ITSN1: variants seen among roughly 807,000 people sequenced by gnomAD.
The protein encoded by ITSN1 is intersectin 1, also known as intersectin-1.
In ITSN1, 58 loss-of-function variants were observed where a neutral mutation model predicts 239.8. The observed-to-expected ratio is 0.24, with a 90% CI of 0.20 to 0.30. The LOEUF is 0.30. Among genes scored for constraint, ITSN1 ranks in the 10% least tolerant of loss-of-function variants. The pLI, the probability that ITSN1 is intolerant of heterozygous loss-of-function variation, is 1.00. For missense variants in ITSN1, 1,558 were observed against 2,103.3 expected, an observed-to-expected ratio of 0.74 and a Z score of 5.07; for synonymous variants, 780 against 770.8, an observed-to-expected ratio of 1.01 and a Z score of -0.20.
chr21:33,769,716 C>T (rs148464426), intron 11 of ITSN1, among the ~76,000 whole-genome samples: 3 of 148,896 alleles, frequency 2.0e-5, no homozygotes, highest in African/African-American at 5.0e-5. Flanking sequence ...TTTTTTGAGA[C>T]GGTTGTTTCG....
chr21:33,796,206 C>T (rs1012107972), intron 17 of ITSN1, among the ~76,000 whole-genome samples: 8 of 152,036 alleles, frequency 5.3e-5, no homozygotes, highest in Non-Finnish European at 4.4e-5. Flanking sequence ...CTCCTGACCT[C>T]GTGATCTGCC....
intron 1 of ITSN1, among the ~76,000 whole-genome samples, chr21:33,706,762 A>AT (rs891995986): frequency 1.3e-4 from 19 of 151,404 alleles, no homozygotes; most frequent in Non-Finnish European, 2.7e-4. Flanking sequence ...TTATTTATTT[A>AT]TTTTTTTTGG....
intron 10 of ITSN1, among the ~76,000 whole-genome samples, chr21:33,766,884 G>C (rs1420860211): frequency 6.6e-6 from 1 of 152,124 alleles, no homozygotes; most frequent in Non-Finnish European, 1.5e-5. Context: ...TGTAAAGTGG[G>C]GAGGGTGGTG....
At chr21:33,683,287 T>G (rs2146548136) in intron 1 of ITSN1, among the ~76,000 whole-genome samples, 1 of 152,240 alleles carries the variant, frequency 6.6e-6, no homozygotes, top group East Asian at 1.9e-4. Context: ...AGCTTGATAA[T>G]AAGTTGATTT....
Position 33,882,223 on chromosome 21 carries a change from G to A in ITSN1, c.4342-20G>A, listed in dbSNP as rs543981833. ...GAGAAACAAAAATGCTACACTTTGGGTTTTGTTTTCCTTTCTCAGCAACTT... is the reference window on the plus strand; with the variant it reads ...GAGAAACAAAAATGCTACACTTTGGATTTTGTTTTCCTTTCTCAGCAACTT... On this transcript the variant is annotated intron_variant, in intron 34 of 39. Coordinates refer to ENST00000381318, the MANE Select transcript of ITSN1 (RefSeq NM_003024.3). This position sits in a 1 kb window ranked among gnomAD's most constrained non-coding sequence, Gnocchi z 4.5. The A allele has an allele frequency of 1.2e-6, 2 of 1,609,694 alleles. No homozygotes were observed. Among genetic ancestry groups the A allele is most frequent in the Non-Finnish European group, 1.7e-6 (2 of 1,177,542 alleles).
intron 4 of ITSN1, among the ~76,000 whole-genome samples, chr21:33,724,234 C>G (rs1279725701): frequency 6.6e-6 from 1 of 152,152 alleles, no homozygotes; most frequent in Non-Finnish European, 1.5e-5. Context: ...TGTCTCTAAA[C>G]TAGTGTGCTT....
intron 22 of ITSN1, chr21:33,817,247 AC>A (rs765433669): frequency 7.7e-7 from 1 of 1,300,548 alleles, no homozygotes; most frequent in Non-Finnish European, 1.0e-6. Flanking sequence ...TTCCTCCTCC[AC>A]CCCTCCATGA....
intron 34 of ITSN1, among the ~76,000 whole-genome samples, chr21:33,877,324 G>T (rs1345896501): frequency 1.3e-5 from 2 of 152,202 alleles, no homozygotes; most frequent in East Asian, 3.9e-4. Flanking sequence ...AAAGTGCTGG[G>T]ATTACAGGCG....
chr21:33,711,314 A>AT (rs540375961), intron 1 of ITSN1, among the ~76,000 whole-genome samples: 6 of 146,196 alleles, frequency 4.1e-5, no homozygotes, highest in African/African-American at 5.0e-5. Context: ...AGGTTTGTAA[A>AT]TTTTTTTTTT....
At chr21:33,781,785 G>A (rs1442193343) in intron 15 of ITSN1, among the ~76,000 whole-genome samples, 2 of 152,024 alleles carry the variant, frequency 1.3e-5, no homozygotes, top group Non-Finnish European at 2.9e-5. Flanking sequence ...CACTATATTG[G>A]CCAGGCTGGT....
At chr21:33,676,274 C>T (rs529977969) in intron 1 of ITSN1, among the ~76,000 whole-genome samples, 2 of 152,234 alleles carry the variant, frequency 1.3e-5, no homozygotes, top group East Asian at 1.9e-4. Flanking sequence ...TGAGCCATTG[C>T]GCCTGTCCTG....
chr21:33,842,982 GC>G lies in ITSN1; in HGVS notation c.3661+6351del, dbSNP rs1312743051. On this transcript the variant is annotated intron_variant, in intron 29 of 39. Coordinates refer to ENST00000381318, the MANE Select transcript of ITSN1 (RefSeq NM_003024.3). ...ACACACTCATGCACGCTGATCCACT[GC>G]GTTGCTTCCCAGGCCCCACCCAGAA... is the stretch of plus-strand genomic sequence containing the variant. Among the ~76,000 whole-genome samples the G allele has an allele frequency of 2.6e-5, 4 of 152,198 alleles. No individual in the cohort carries two copies. The East Asian group carries it at 7.7e-4, about 29-fold the overall frequency.
intron 4 of ITSN1, among the ~76,000 whole-genome samples, chr21:33,726,359 CA>C (rs35529650): frequency 0.31 from 46,905 of 151,938 alleles, 7,636 homozygotes; most frequent in East Asian, 0.55. Flanking sequence ...CTCCAACCCC[CA>C]TACTATTTTT....
chr21:33,725,210 A>C lies in ITSN1; in HGVS notation c.185+2559A>C, dbSNP rs146300045. ...GATTGCAATGGCACGATCTTAGCTC[A>C]CTGCAACCTCTGCCTCCCGGCTTCA... On this transcript the variant is annotated intron_variant, in intron 4 of 39. Coordinates refer to ENST00000381318, the MANE Select transcript of ITSN1 (RefSeq NM_003024.3). 3.4e-4 allele frequency among the ~76,000 whole-genome samples: 44 copies of C among 128,162 alleles called. 1 individual carries two copies. In the East Asian group the frequency reaches 8.6e-3, roughly 25 times the overall value. The allele number at this position is 128,162 out of a possible 152,430, so 84.1% of individuals were successfully genotyped here. A position where few individuals can be genotyped will look rare whatever the true frequency, so the allele number is the denominator to read the frequency against.
intron 30 of ITSN1, among the ~76,000 whole-genome samples, chr21:33,857,870 C>T (rs1979662522): frequency 6.6e-6 from 1 of 152,182 alleles, no homozygotes; most frequent in African/African-American, 2.4e-5. Context: ...TCAACGTCGG[C>T]TTAAGGACTC....
At chr21:33,795,962 T>TTTG (rs1348596598) in intron 17 of ITSN1, among the ~76,000 whole-genome samples, 1 of 151,198 alleles carries the variant, frequency 6.6e-6, no homozygotes, top group East Asian at 1.9e-4. Flanking sequence ...TTTTTTTTTT[T>TTTG]TTTTAATTTT....
chr21:33,739,477 C>A (rs1280244889), intron 5 of ITSN1, among the ~76,000 whole-genome samples: 1 of 152,304 alleles, frequency 6.6e-6, no homozygotes, highest in East Asian at 1.9e-4. Flanking sequence ...GACCTCATGG[C>A]TTCTACCACT....
At position 33,682,955 on chromosome 21, in the gene ITSN1, A is replaced by C. The variant is rs557604839; in HGVS notation, c.-32-35842A>C. Among the ~76,000 whole-genome samples the C allele has an allele frequency of 7.9e-5, 12 of 152,154 alleles. No individual in the cohort carries two copies. The South Asian group carries it at 2.5e-3, about 32-fold the overall frequency. Reference sequence around the variant, plus strand: ...TGTAAAGGTCGTAGATGAAATAGACAAGTATTTATAAGATTAATTTTATCT... The same window carrying C: ...TGTAAAGGTCGTAGATGAAATAGACCAGTATTTATAAGATTAATTTTATCT... On this transcript the variant is annotated intron_variant, in intron 1 of 39. Transcript: ENST00000381318.
chr21:33,766,611 T>G (rs2068737251), intron 10 of ITSN1, among the ~76,000 whole-genome samples: 1 of 152,112 alleles, frequency 6.6e-6, no homozygotes. Context: ...CAAAGGAGAA[T>G]GAAAGAAAGA....
Sources: allele counts gnomAD v4.1 joint callset (sites outside exome capture counted in the v4.1 genomes callset), GRCh38; gene constraint gnomAD v4.1.1; non-coding constraint Gnocchi (gnomAD v3.1); transcripts MANE v1.5; gene names NCBI Gene and HGNC (gene_info 2026-07-23, HGNC 2026-07-21).